Variants in FBXL13 observed in about 807,000 individuals in gnomAD.
The protein encoded by FBXL13 is F-box and leucine-rich repeat protein 13.
FBXL13 carries 67 observed loss-of-function variants against 83.6 expected under a neutral mutation model. The ratio of observed to expected loss-of-function variants is 0.80; its 90% confidence interval spans 0.66 to 0.98. The LOEUF is 0.98. Ranked by LOEUF, FBXL13 falls within the 50% of genes least tolerant of loss-of-function variation. The pLI is 0.00. For synonymous variants in FBXL13, 272 were observed against 299.5 expected (o/e 0.91, Z 0.95); for missense variants, 822 against 866.5 (o/e 0.95, Z 0.64).
intron 18 of FBXL13, among the ~76,000 whole-genome samples, chr7:102,830,736 T>C (rs1180342885): frequency 6.6e-6 from 1 of 152,136 alleles, no homozygotes; most frequent in Non-Finnish European, 1.5e-5. Flanking sequence ...TGAGAGTTGG[T>C]GTGATGCTGT....
chr7:102,962,299 C>G (rs867355031), intron 8 of FBXL13, among the ~76,000 whole-genome samples: 7 of 152,128 alleles, frequency 4.6e-5, no homozygotes, highest in African/African-American at 1.7e-4. Flanking sequence ...TCATCTCACA[C>G]TAGTTAGAAT....
At chr7:102,983,162 A>G (rs1398062248) in intron 6 of FBXL13, among the ~76,000 whole-genome samples, 1 of 152,096 alleles carries the variant, frequency 6.6e-6, no homozygotes, top group East Asian at 1.9e-4. Context: ...AAGAAAAATC[A>G]ATATTGTCTT....
chr7:102,932,596 G>GT (rs921428844), intron 8 of FBXL13, among the ~76,000 whole-genome samples: 11 of 2,726 alleles, frequency 4.0e-3, no homozygotes, highest in Non-Finnish European at 0.016. Flanking sequence ...TGTTTGTTTC[G>GT]TTTTTTTGAG....
downstream of FBXL13, among the ~76,000 whole-genome samples, chr7:102,811,538 C>T (rs889807461): frequency 1.2e-4 from 19 of 152,156 alleles, no homozygotes; most frequent in African/African-American, 4.3e-4. Flanking sequence ...GGATGTTACT[C>T]AAAGAGCTTT....
chr7:102,957,378 A>G (rs1221323664), intron 8 of FBXL13, among the ~76,000 whole-genome samples: 2 of 152,204 alleles, frequency 1.3e-5, no homozygotes, highest in African/African-American at 4.8e-5. Context: ...TTATACAAAA[A>G]TTAATTCAAG....
At chr7:102,913,172 G>T (rs370558905) in exon 11 of FBXL13, 30 of 1,613,996 alleles carry the variant, frequency 1.9e-5, no homozygotes, top group Non-Finnish European at 2.5e-5. Context: ...TCTGTGAACC[G>T]TCTGCAATAA....
chr7:103,034,514 C>T (rs1794873473), intron 2 of FBXL13, among the ~76,000 whole-genome samples: 1 of 152,244 alleles, frequency 6.6e-6, no homozygotes, highest in South Asian at 2.1e-4. Flanking sequence ...TCCGCTGAGC[C>T]CACGCCCACC....
Position 102,930,420 on chromosome 7 carries a change from A to C in FBXL13, c.777+1461T>G, listed in dbSNP as rs867802216. ...CCTGTTTTCCTTCTACCACTCTCTA[A>C]GACACTTTTCTGGAAAGATCAGTTT... On this transcript the variant is annotated intron_variant, in intron 9 of 19. Coordinates refer to ENST00000313221, the Ensembl canonical transcript of FBXL13. Among the ~76,000 whole-genome samples, 5 of 152,144 alleles carry C rather than the reference A, an allele frequency of 3.3e-5. No individual in the cohort carries two copies. In the South Asian group the frequency reaches 1.0e-3, roughly 32 times the overall value.
At chr7:102,828,287 G>C (rs1047092505) in intron 18 of FBXL13, among the ~76,000 whole-genome samples, 11 of 151,840 alleles carry the variant, frequency 7.2e-5, no homozygotes, top group African/African-American at 2.4e-4. Context: ...TCTCCTTGAA[G>C]AGGTCCTTCA....
chr7:102,991,293 C>T (rs1829535625), intron 6 of FBXL13, among the ~76,000 whole-genome samples: 1 of 152,040 alleles, frequency 6.6e-6, no homozygotes, highest in South Asian at 2.1e-4. Flanking sequence ...CAGGGTTGGA[C>T]AGGATATGGG....
intron 11 of FBXL13, among the ~76,000 whole-genome samples, chr7:102,894,786 A>G (rs1812056616): frequency 6.6e-6 from 1 of 152,020 alleles, no homozygotes; most frequent in Admixed American, 6.6e-5. Context: ...TATATTTCAT[A>G]GCTTCCTAGG....
At chr7:103,048,241 T>C (rs1200293087) in intron 2 of FBXL13, among the ~76,000 whole-genome samples, 2 of 151,992 alleles carry the variant, frequency 1.3e-5, no homozygotes, top group Admixed American at 6.6e-5. Flanking sequence ...TATAAAGTTT[T>C]AAAACACTTG....
At chr7:102,833,041 A>G (rs763684644) in intron 17 of FBXL13, 67 bp from the exon 19 acceptor site, 4 of 1,536,890 alleles carry the variant, frequency 2.6e-6, no homozygotes, top group Non-Finnish European at 3.6e-6. Flanking sequence ...TACTTATAGT[A>G]GCTTATTAAA....
intron 2 of FBXL13, among the ~76,000 whole-genome samples, chr7:103,034,361 G>T (rs1487603154): frequency 1.3e-5 from 2 of 152,216 alleles, no homozygotes; most frequent in Non-Finnish European, 2.9e-5. Context: ...GCTCAGGCAT[G>T]GCGGACTGCA....
intron 17 of FBXL13, among the ~76,000 whole-genome samples, chr7:102,833,961 C>T (rs934279335): frequency 2.1e-5 from 3 of 145,650 alleles, no homozygotes; most frequent in African/African-American, 7.7e-5. Context: ...AAACAATCCA[C>T]AAAAGTAAAC....
intron 7 of FBXL13, among the ~76,000 whole-genome samples, chr7:102,965,626 C>T (rs940695875): frequency 6.6e-6 from 1 of 152,106 alleles, no homozygotes; most frequent in East Asian, 1.9e-4. Flanking sequence ...CCTAGGCTGG[C>T]GCTTATGTAC....
At chr7:102,869,656 T>A (rs184032971) in intron 16 of FBXL13, among the ~76,000 whole-genome samples, 1 of 152,148 alleles carries the variant, frequency 6.6e-6, no homozygotes, top group Non-Finnish European at 1.5e-5. Context: ...TTTTTGTATA[T>A]GGTGAGAGAT....
At chr7:102,959,307 A>G (rs979444854) in intron 8 of FBXL13, among the ~76,000 whole-genome samples, 6 of 152,054 alleles carry the variant, frequency 3.9e-5, no homozygotes, top group African/African-American at 1.4e-4. Context: ...CTCCTTGTGC[A>G]CTTCTTCCCC....
intron 8 of FBXL13, among the ~76,000 whole-genome samples, chr7:102,957,688 GA>G (rs1312049338): frequency 1.3e-5 from 2 of 150,948 alleles, no homozygotes; most frequent in East Asian, 1.9e-4. Flanking sequence ...AAATTTACAA[GA>G]AAAAAAACAA....
Sources: gnomAD v4.1 joint callset for allele counts (sites outside exome capture counted in the v4.1 genomes callset) on GRCh38, gnomAD v4.1.1 for gene constraint, MANE v1.5 for transcripts, NCBI Gene and HGNC (gene_info 2026-07-23, HGNC 2026-07-21) for gene names.